Variants in IGF2BP2 observed in about 807,000 individuals in gnomAD.
IGF2BP2 encodes the protein insulin-like growth factor 2 mRNA-binding protein 2.
A neutral mutation model predicts 75.8 loss-of-function variants in IGF2BP2; 17 were observed. That is an observed-to-expected ratio of 0.22 (90% CI 0.15 to 0.34). The LOEUF (loss-of-function observed/expected upper bound fraction) is 0.34, where lower values mean the gene tolerates loss of function less well. Ranked by LOEUF, IGF2BP2 falls within the 10% of genes least tolerant of loss-of-function variation. IGF2BP2 has a pLI of 1.00. For missense variants in IGF2BP2, 516 were observed against 772.4 expected, an observed-to-expected ratio of 0.67 and a Z score of 3.93; for synonymous variants, 288 against 295.6, an observed-to-expected ratio of 0.97 and a Z score of 0.26.
At position 185,671,362 on chromosome 3, in the gene IGF2BP2, A is replaced by C. The variant is rs561528894; in HGVS notation, c.1200+1179T>G. 3.1e-3 allele frequency among the ~76,000 whole-genome samples: 472 copies of C among 152,172 alleles called. 3 individuals carry two copies. The highest frequency in any genetic ancestry group is 0.011 in the African/African-American group (449 of 41,520). On this transcript the variant is annotated intron_variant, in intron 10 of 15. Coordinates refer to ENST00000382199, the MANE Select transcript of IGF2BP2 (RefSeq NM_006548.6). The stretch of plus-strand genomic sequence containing the variant: ...GGAGATGGAGACCATCCTGGCCAAC[A>C]TGGTGAAACCCCTTCTCTACTAAAA...
At chr3:185,706,421 A>T (rs1724027136) in intron 2 of IGF2BP2, among the ~76,000 whole-genome samples, 1 of 152,160 alleles carries the variant, frequency 6.6e-6, no homozygotes, top group African/African-American at 2.4e-5. Flanking sequence ...TAGCAAAAAT[A>T]AAAAAGAAGT....
At chr3:185,722,117 A>G in intron 2 of IGF2BP2, 1 of 254,286 alleles carries the variant, frequency 3.9e-6, no homozygotes, top group South Asian at 3.1e-5. Context: ...TTTTTTTTGT[A>G]GAGAGAGTGT....
chr3:185,761,044 C>T (rs1311434862), intron 2 of IGF2BP2, among the ~76,000 whole-genome samples: 4 of 152,048 alleles, frequency 2.6e-5, no homozygotes, highest in Non-Finnish European at 4.4e-5. Flanking sequence ...GAATGCATAA[C>T]ATTTATCTTC....
Position 185,778,201 on chromosome 3 carries a change from TC to T in IGF2BP2, c.239+44951del, listed in dbSNP as rs1348965248. 2.0e-5 allele frequency among the ~76,000 whole-genome samples: 3 copies of T among 152,294 alleles called. No homozygotes were observed. In the East Asian group the frequency reaches 5.8e-4, roughly 29 times the overall value. The stretch of plus-strand genomic sequence containing the variant: ...AGTAGCTGGAGCACGTCTTGGCAGC[TC>T]AGGGCACAAGGCCAGAAGCAACCCT... On this transcript the variant is annotated intron_variant, in intron 2 of 15. Coordinates refer to ENST00000382199, the MANE Select transcript of IGF2BP2 (RefSeq NM_006548.6).
chr3:185,757,610 G>C (rs973391113), intron 2 of IGF2BP2, among the ~76,000 whole-genome samples: 1 of 151,974 alleles, frequency 6.6e-6, no homozygotes, highest in Non-Finnish European at 1.5e-5. Context: ...GACTACAGGT[G>C]TGTGCCACCA....
intron 2 of IGF2BP2, among the ~76,000 whole-genome samples, chr3:185,822,054 T>G (rs1018572709): frequency 6.6e-6 from 1 of 152,130 alleles, no homozygotes; most frequent in African/African-American, 2.4e-5. Flanking sequence ...AGAGATTATT[T>G]GCAAACAAAA....
chr3:185,656,171 G>T (rs111837814), intron 12 of IGF2BP2, among the ~76,000 whole-genome samples: 4 of 152,212 alleles, frequency 2.6e-5, no homozygotes, highest in Admixed American at 1.3e-4. Flanking sequence ...CAGCCAGGGG[G>T]TCTTCCACAC....
At chr3:185,804,772 G>A (rs886431844) in intron 2 of IGF2BP2, among the ~76,000 whole-genome samples, 2 of 151,974 alleles carry the variant, frequency 1.3e-5, no homozygotes, top group African/African-American at 4.8e-5. Context: ...GGCGGATCAT[G>A]AGGTCAGGAC....
chr3:185,818,783 T>A (rs984826108), intron 2 of IGF2BP2, among the ~76,000 whole-genome samples: 5 of 152,194 alleles, frequency 3.3e-5, no homozygotes, highest in Non-Finnish European at 7.4e-5. Context: ...GAAATCTGGT[T>A]TTCATAGCTT....
chr3:185,770,989 A>T (rs912500884), intron 2 of IGF2BP2, among the ~76,000 whole-genome samples: 9 of 152,160 alleles, frequency 5.9e-5, no homozygotes, highest in Admixed American at 2.0e-4. Flanking sequence ...GGCCTCAAGC[A>T]ATCTTCCCAC....
At chr3:185,694,095 A>C (rs1044178034) in intron 4 of IGF2BP2, among the ~76,000 whole-genome samples, 3 of 152,178 alleles carry the variant, frequency 2.0e-5, no homozygotes, top group African/African-American at 7.2e-5. Context: ...GCTCAGAAAG[A>C]GCTGCCACTG....
chr3:185,646,814 T>TAC (rs1713645473), intron 15 of IGF2BP2: 1 of 584,066 alleles, frequency 1.7e-6, no homozygotes, highest in East Asian at 2.9e-5. Context: ...GCTCCTAGCA[T>TAC]ACATACCTCG....
intron 2 of IGF2BP2, among the ~76,000 whole-genome samples, chr3:185,779,827 G>C (rs567265228): frequency 6.6e-6 from 1 of 152,262 alleles, no homozygotes; most frequent in Admixed American, 6.6e-5. Context: ...ATTTTACTTG[G>C]GAGAGTTATT....
At chr3:185,739,774 T>C (rs1280056636) in intron 2 of IGF2BP2, among the ~76,000 whole-genome samples, 1 of 152,176 alleles carries the variant, frequency 6.6e-6, no homozygotes, top group Non-Finnish European at 1.5e-5. Context: ...CGTTCAGATA[T>C]TGAAAATTAC....
chr3:185,799,188 C>T (rs975311701), intron 2 of IGF2BP2, among the ~76,000 whole-genome samples: 8 of 150,938 alleles, frequency 5.3e-5, no homozygotes, highest in African/African-American at 1.7e-4. Context: ...TCACTTGAGC[C>T]CAGGAGTATG....
intron 2 of IGF2BP2, among the ~76,000 whole-genome samples, chr3:185,705,411 G>C (rs765403515): frequency 7.2e-5 from 11 of 152,272 alleles, no homozygotes; most frequent in Admixed American, 2.0e-4. Flanking sequence ...AGGGTTTTGA[G>C]CCAGGAGAAC....
intron 2 of IGF2BP2, among the ~76,000 whole-genome samples, chr3:185,742,733 C>T (rs1419740030): frequency 6.6e-6 from 1 of 152,138 alleles, no homozygotes; most frequent in Non-Finnish European, 1.5e-5. Flanking sequence ...TTGGTTAGAA[C>T]AATGTGTGAA....
In IGF2BP2 at chr3:185,698,334, G is replaced by C. The variant is rs1722846002; in HGVS notation, c.253C>G (p.Gln85Glu). 1 of 1,613,858 alleles carries C rather than the reference G, an allele frequency of 6.2e-7. No individual in the cohort carries two copies. Among genetic ancestry groups the C allele is most frequent in the Non-Finnish European group, 8.5e-7 (1 of 1,179,898 alleles). Reference sequence around the variant, plus strand: ...AGGTGAGGAGGGATGTTTCGAATCTGAATTTTCCTGCTCCTGTAAAGATAA... The same window carrying C: ...AGGTGAGGAGGGATGTTTCGAATCTCAATTTTCCTGCTCCTGTAAAGATAA... Reference protein sequence around the residue: ...VSKKLRSRKIQIRNIPPHLQW... With the variant: ...VSKKLRSRKIEIRNIPPHLQW... The change falls in exon 3 of 16, where the codon CAG (glutamine) becomes GAG (glutamate). Residue 85 changes from glutamine (Q) to glutamate (E), a missense_variant. By Grantham distance (29) the Gln-to-Glu change is conservative (BLOSUM62 2). Transcript: ENST00000382199.
intron 2 of IGF2BP2, among the ~76,000 whole-genome samples, chr3:185,739,795 C>T (rs1326581293): frequency 2.0e-5 from 3 of 152,156 alleles, no homozygotes; most frequent in African/African-American, 7.2e-5. Context: ...CATTTATCTC[C>T]ATCTTTATTA....
Sources: allele counts gnomAD v4.1 joint callset (sites outside exome capture counted in the v4.1 genomes callset), GRCh38; gene constraint gnomAD v4.1.1; transcripts MANE v1.5; gene names NCBI Gene and HGNC (gene_info 2026-07-23, HGNC 2026-07-21).